The following MBNL2 variants were observed in gnomAD, a reference collection of about 807,000 sequenced individuals.
The protein encoded by MBNL2 is muscleblind-like protein 2.
MBNL2 carries 17 observed loss-of-function variants against 41.9 expected under a neutral mutation model. That is an observed-to-expected ratio of 0.41 (90% CI 0.28 to 0.61). The LOEUF (loss-of-function observed/expected upper bound fraction) is 0.61. Ranked by LOEUF, MBNL2 falls within the 20% of genes least tolerant of loss-of-function variation. The pLI is 0.35. For synonymous variants in MBNL2, 195 were observed against 182.9 expected (o/e 1.07, Z -0.53); for missense variants, 336 against 505.6 (o/e 0.66, Z 3.22).
chr13:97,237,800 T>A (rs1235350064), intron 1 of MBNL2, among the ~76,000 whole-genome samples: 1 of 152,078 alleles, frequency 6.6e-6, no homozygotes, highest in Non-Finnish European at 1.5e-5. Context: ...TTTAAGCAGG[T>A]AAATGAGGGG....
At chr13:97,203,564 C>A in the MBNL2 span, among the ~76,000 whole-genome samples, 451 of 152,256 alleles carry the variant, frequency 3.0e-3, 1 homozygote, top group Admixed American at 7.9e-3. Context: ...TAACTCTATG[C>A]CTTGCTTCCT....
chr13:97,193,837 T>C, the MBNL2 span, among the ~76,000 whole-genome samples: 1 of 152,144 alleles, frequency 6.6e-6, no homozygotes, highest in Non-Finnish European at 1.5e-5. Context: ...CTCGAGCATC[T>C]TCAATGAACC....
chr13:97,256,999 T>C (rs1482020568), intron 1 of MBNL2, among the ~76,000 whole-genome samples: 1 of 152,230 alleles, frequency 6.6e-6, no homozygotes, highest in Non-Finnish European at 1.5e-5. Flanking sequence ...AAAAAGAGAC[T>C]GTATTGGCAA....
Position 97,260,316 on chromosome 13 carries a change from C to T in MBNL2, c.-604-15316C>T, listed in dbSNP as rs539150492. The stretch of plus-strand genomic sequence containing the variant: ...AGTCAGAAAGTATGGGGCCAGTCAC[C>T]GAGGTCAGTGTAGGCCGTCAGAAGA... On this transcript the variant is annotated intron_variant, in intron 1 of 8. Transcript: ENST00000679496. Among the ~76,000 whole-genome samples the T allele has an allele frequency of 5.9e-5, 9 of 152,240 alleles. No individual in the cohort carries two copies. In the East Asian group the frequency reaches 9.6e-4, roughly 16 times the overall value.
chr13:97,158,241 A>G, the MBNL2 span, among the ~76,000 whole-genome samples: 24 of 151,578 alleles, frequency 1.6e-4, no homozygotes, highest in Non-Finnish European at 2.5e-4. Context: ...CAGTGGTGAT[A>G]TCTCCTTTAT....
At chr13:97,368,714 G>GTGTGTA (rs1211831271) in intron 8 of MBNL2, among the ~76,000 whole-genome samples, 2 of 151,820 alleles carry the variant, frequency 1.3e-5, no homozygotes, top group Non-Finnish European at 2.9e-5. Flanking sequence ...GTGTGTGTGT[G>GTGTGTA]TGTGTGTGTG....
At chr13:97,182,679 T>G in the MBNL2 span, among the ~76,000 whole-genome samples, 1 of 152,198 alleles carries the variant, frequency 6.6e-6, no homozygotes, top group Non-Finnish European at 1.5e-5. Context: ...CTTTCAGACA[T>G]TTTTTGAACT....
At position 97,387,931 on chromosome 13, in the gene MBNL2, G is replaced by A. The variant is rs74105131; in HGVS notation, c.1049-3391G>A. Among the ~76,000 whole-genome samples, 311 of 152,194 alleles carry A rather than the reference G, an allele frequency of 2.0e-3. 2 individuals carry two copies. The highest frequency in any genetic ancestry group is 7.1e-3 in the African/African-American group (293 of 41,524). On this transcript the variant is annotated intron_variant, in intron 8 of 8. Coordinates refer to ENST00000679496, the MANE Select transcript of MBNL2 (RefSeq NM_001382683.1). ...TGTGGTGGCTGTTTCTCTGACTTAC[G>A]CATACCCTGGCAGACCCTATGAGTT...
chr13:97,293,903 C>T (rs1043282757), intron 2 of MBNL2, among the ~76,000 whole-genome samples: 11 of 151,940 alleles, frequency 7.2e-5, no homozygotes, highest in Admixed American at 2.0e-4. Flanking sequence ...ACCCATCACC[C>T]GAGCAGTATA....
chr13:97,161,678 G>A, the MBNL2 span, among the ~76,000 whole-genome samples: 3 of 152,100 alleles, frequency 2.0e-5, no homozygotes. Flanking sequence ...TACTCTAGAT[G>A]ATCATGAATT....
intron 8 of MBNL2, among the ~76,000 whole-genome samples, chr13:97,367,669 AC>A (rs990396014): frequency 4.6e-5 from 7 of 151,958 alleles, no homozygotes; most frequent in African/African-American, 1.7e-4. Flanking sequence ...TAAAAGTTAA[AC>A]CCCGTGACAG....
intron 2 of MBNL2, among the ~76,000 whole-genome samples, chr13:97,317,453 A>G (rs2059154820): frequency 1.3e-5 from 2 of 152,194 alleles, no homozygotes; most frequent in African/African-American, 4.8e-5. Flanking sequence ...CTCCCACCCT[A>G]CTGTTCCTAG....
chr13:97,365,218 C>T (rs1475382276), intron 8 of MBNL2, 47 bp downstream of exon 8: 7 of 1,152,266 alleles, frequency 6.1e-6, no homozygotes, highest in Non-Finnish European at 9.2e-6. Flanking sequence ...TGTACAATAC[C>T]TTCACTTGCT....
At chr13:97,361,755 G>A (rs982382047) in intron 7 of MBNL2, among the ~76,000 whole-genome samples, 16 of 138,198 alleles carry the variant, frequency 1.2e-4, no homozygotes, top group African/African-American at 3.2e-4. Context: ...TTTTATAGGC[G>A]TAATTTTTTT....
chr13:97,322,084 C>T (rs999302291), intron 2 of MBNL2, among the ~76,000 whole-genome samples: 2 of 152,206 alleles, frequency 1.3e-5, no homozygotes, highest in African/African-American at 4.8e-5. Context: ...GCAATTCCTT[C>T]CCAGTTTCTG....
chr13:97,310,790 T>A (rs2058532628), intron 2 of MBNL2, among the ~76,000 whole-genome samples: 1 of 151,540 alleles, frequency 6.6e-6, no homozygotes, highest in Non-Finnish European at 1.5e-5. Context: ...ATCTTTTTTT[T>A]TTTTTTTTTT....
At chr13:97,171,301 A>G in the MBNL2 span, among the ~76,000 whole-genome samples, 4 of 152,216 alleles carry the variant, frequency 2.6e-5, no homozygotes, top group Non-Finnish European at 5.9e-5. Flanking sequence ...ATAGAGGCAT[A>G]GAGTCGTTAG....
chr13:97,371,519 G>C (rs917835160), intron 8 of MBNL2, among the ~76,000 whole-genome samples: 6 of 152,144 alleles, frequency 3.9e-5, no homozygotes, highest in Admixed American at 3.9e-4. Flanking sequence ...AGCGGCTGCA[G>C]CGTAGGTTTG....
the MBNL2 span, among the ~76,000 whole-genome samples, chr13:97,151,471 C>A: frequency 1.3e-5 from 2 of 152,002 alleles, no homozygotes; most frequent in South Asian, 2.1e-4. Context: ...TGGTGCTCTG[C>A]GTATGTTTCA....
Sources: allele counts gnomAD v4.1 joint callset (sites outside exome capture counted in the v4.1 genomes callset), GRCh38; gene constraint gnomAD v4.1.1; transcripts MANE v1.5; gene names NCBI Gene and HGNC (gene_info 2026-07-23, HGNC 2026-07-21).